The following MYT1 variants were observed in gnomAD, a reference collection of about 807,000 sequenced individuals.
MYT1 encodes the protein myelin transcription factor 1, also known as myelin transcription factor I.
A neutral mutation model predicts 123.0 loss-of-function variants in MYT1; 23 were observed. That is an observed-to-expected ratio of 0.19 (90% CI 0.13 to 0.26). MYT1 has a LOEUF of 0.26. Among genes scored for constraint, MYT1 ranks in the 10% least tolerant of loss-of-function variants. The pLI is 1.00. For missense variants in MYT1, 1,125 were observed against 1,472.5 expected (o/e 0.76, Z 3.86); for synonymous variants, 518 against 575.3 (o/e 0.90, Z 1.43).
chr20:64,222,527 A>C (rs887270165), intron 14 of MYT1, among the ~76,000 whole-genome samples: 1 of 152,346 alleles, frequency 6.6e-6, no homozygotes, highest in African/African-American at 2.4e-5. Flanking sequence ...GCTGGTCCGC[A>C]TGGGGTTGGA....
intron 6 of MYT1, 105 bp from the exon 7 acceptor site, chr20:64,207,489 G>A (rs563409270): frequency 6.6e-7 from 1 of 1,524,234 alleles, no homozygotes; most frequent in South Asian, 1.3e-5. Flanking sequence ...CGTATAAAGA[G>A]TGAGTGGTAG....
At position 64,219,002 on chromosome 20, in the gene MYT1, C is replaced by T. The variant is rs781537256; in HGVS notation, c.1938C>T (p.Asn646=). The change falls in exon 12 of 23, where the codon AAC becomes AAT. Residue 646 remains asparagine (N), a synonymous_variant. Coordinates refer to ENST00000328439, the MANE Select transcript of MYT1 (RefSeq NM_004535.3). ...LSTRCWEMPE[N]LSTKPQDLPS... Reference sequence around the variant, plus strand: ...CGCGCTGCTGGGAGATGCCTGAGAACCTCAGCACGAAGCCACAGGACCTCC... The same window carrying T: ...CGCGCTGCTGGGAGATGCCTGAGAATCTCAGCACGAAGCCACAGGACCTCC... 3 of 1,613,620 alleles carry T rather than the reference C, an allele frequency of 1.9e-6. No homozygotes were observed. Among genetic ancestry groups the T allele is most frequent in the Non-Finnish European group, 2.5e-6 (3 of 1,180,004 alleles).
At chr20:64,199,748 G>C (rs1485504347) in intron 3 of MYT1, 144 bp from the exon 4 acceptor site, 9 of 919,796 alleles carry the variant, frequency 9.8e-6, no homozygotes, top group Non-Finnish European at 1.6e-5. Flanking sequence ...GCGCCCTGGG[G>C]AAACGGCTCA....
In MYT1 at chr20:64,178,812, T is replaced by C. The variant is rs13037633; in HGVS notation, c.-98-11251T>C. ...AACGTGGGAGCACTGAGCCGTTATTTGGTGGGATGCCCTTCAACGTGGGAG... is the reference window on the plus strand; with the variant it reads ...AACGTGGGAGCACTGAGCCGTTATTCGGTGGGATGCCCTTCAACGTGGGAG... On this transcript the variant is annotated intron_variant, in intron 1 of 22. Coordinates refer to ENST00000328439, the MANE Select transcript of MYT1 (RefSeq NM_004535.3). Among the ~76,000 whole-genome samples, 345 of 59,412 alleles carry C rather than the reference T, an allele frequency of 5.8e-3. 12 individuals are homozygous for C. Among genetic ancestry groups the C allele is most frequent in the South Asian group, 0.015 (18 of 1,206 alleles). The allele number at this position is 59,412 out of a possible 152,430, so 39.0% of individuals were successfully genotyped here.
At position 64,232,281 on chromosome 20, in the gene MYT1, C is replaced by CTCG. The variant is rs1984343671; in HGVS notation, c.2796_2798dup (p.Ser933dup). 6.2e-7 allele frequency: 1 copy of CTCG among 1,613,112 alleles called. No homozygotes were observed. Among genetic ancestry groups the CTCG allele is most frequent in the African/African-American group, 1.3e-5 (1 of 75,064 alleles). On this transcript the variant is annotated inframe_insertion, in exon 19 of 23. Transcript: ENST00000328439. This position sits in a 1 kb window ranked among gnomAD's most constrained non-coding sequence, Gnocchi z 6.9. The stretch of plus-strand genomic sequence containing the variant: ...GGCAGAAGGAAGGGTCCCTCAATGG[C>CTCG]TCGTCATTCTCCTGGAAGTCCCTGA...
rs1400308338 is a variant in MYT1 at position 64,212,269 on chromosome 20, C to T, written c.1517+131C>T. On this transcript the variant is annotated intron_variant, in intron 9 of 22. Transcript: ENST00000328439. The surrounding 1 kb of genome is among the most constrained non-coding windows in gnomAD (Gnocchi z 6.8). ...AGGGTGGGGGCCGTGGTGGGGGGCT[C>T]CACGTGGGGTAGGGCACCTGGGTTG... 1 of 765,338 alleles carries T rather than the reference C, an allele frequency of 1.3e-6. No individual in the cohort carries two copies. The highest frequency in any genetic ancestry group is 2.0e-6 in the Non-Finnish European group (1 of 487,978). 47.4% of individuals were successfully genotyped at this position (765,338 alleles called of 1,614,324 possible).
Position 64,240,049 on chromosome 20 carries a change from A to G in MYT1, c.3237+146A>G, listed in dbSNP as rs1476759352. The G allele has an allele frequency of 2.3e-6, 3 of 1,295,880 alleles. No homozygotes were observed. The Admixed American group carries it at 6.6e-5, about 28-fold the overall frequency. The allele number at this position is 1,295,880 out of a possible 1,614,324, so 80.3% of individuals were successfully genotyped here. A position where few individuals can be genotyped will look rare whatever the true frequency, so the allele number is the denominator to read the frequency against. On this transcript the variant is annotated intron_variant, in intron 22 of 22. Transcript: ENST00000328439. The stretch of plus-strand genomic sequence containing the variant: ...CTTGTGGAGATTCTCTCCACCCCGA[A>G]TGGCCCGGGCTGTTGGCTGTGGTGG...
chr20:64,198,056 C>T lies in MYT1; in HGVS notation c.1-806C>T, dbSNP rs369652273. Among the ~76,000 whole-genome samples the T allele has an allele frequency of 3.4e-3, 512 of 151,968 alleles. 3 individuals carry two copies. Among genetic ancestry groups the T allele is most frequent in the East Asian group, 0.022 (112 of 5,148 alleles). Reference sequence around the variant, plus strand: ...ATCCCAGCACTTTGGGAGGCCGAGACGGGCGGATCACGAGGTCAGGAGATC... The same window carrying T: ...ATCCCAGCACTTTGGGAGGCCGAGATGGGCGGATCACGAGGTCAGGAGATC... On this transcript the variant is annotated intron_variant, in intron 2 of 22. Coordinates refer to ENST00000328439, the MANE Select transcript of MYT1 (RefSeq NM_004535.3).
At chr20:64,177,904 A>G (rs912319167) in intron 1 of MYT1, among the ~76,000 whole-genome samples, 1 of 152,160 alleles carries the variant, frequency 6.6e-6, no homozygotes. Context: ...GGATGCCCCC[A>G]GGAACAAAGC....
intron 19 of MYT1, among the ~76,000 whole-genome samples, chr20:64,235,501 C>CTGAGTGACCCTGGGCTGGCCATGG (rs1984489986): frequency 8.0e-6 from 1 of 125,450 alleles, no homozygotes; most frequent in Admixed American, 8.5e-5. Flanking sequence ...CCTGGGCTGG[C>CTGAGTGACCCTGGGCTGGCCATGG]TGAGTGACCC....
rs931322229 is a variant in MYT1, at chr20:64,189,462, G to T, written c.-98-601G>T. On this transcript the variant is annotated intron_variant, in intron 1 of 22. Transcript: ENST00000328439. This position sits in a 1 kb window ranked among gnomAD's most constrained non-coding sequence, Gnocchi z 5.5. ...ACTGGAGGCATTGCCCTGGAGAGAG[G>T]CAGAAACACAGGGTGACAAAAGATG... Among the ~76,000 whole-genome samples, 9 of 152,170 alleles carry T rather than the reference G, an allele frequency of 5.9e-5. No homozygotes were observed. The highest frequency in any genetic ancestry group is 1.3e-4 in the Non-Finnish European group (9 of 68,032).
rs181080681 is a variant in MYT1, at chr20:64,167,068, C to T, written c.-99+2329C>T. Among the ~76,000 whole-genome samples, 4 of 152,180 alleles carry T rather than the reference C, an allele frequency of 2.6e-5. No homozygotes were observed. The highest frequency in any genetic ancestry group is 9.6e-5 in the African/African-American group (4 of 41,512). ...GTGGTGGTGTGGTGGGTAGAGGAGA[C>T]CCACACCACTCTGCACTGGGGAGAC... On this transcript the variant is annotated intron_variant, in intron 1 of 22. Transcript: ENST00000328439. The surrounding 1 kb of genome is among the most constrained non-coding windows in gnomAD (Gnocchi z 6.3).
intron 1 of MYT1, among the ~76,000 whole-genome samples, chr20:64,170,876 TATATATATAGAGAGAG>T (rs1472012821): frequency 1.8e-4 from 11 of 60,590 alleles, no homozygotes; most frequent in East Asian, 5.2e-4. Flanking sequence ...TATATATATA[TATATATATAGAGAGAG>T]AGAGAGAGAG....
At position 64,237,484 on chromosome 20, in the gene MYT1, G is replaced by A. The variant is rs1462301853; in HGVS notation, c.3093+94G>A. ...TGAGGCATCCGTCGGCACTCATCAA[G>A]GTTGCTGTCAGGGCTGAGCTGACGG... On this transcript the variant is annotated intron_variant, in intron 21 of 22. Coordinates refer to ENST00000328439, the MANE Select transcript of MYT1 (RefSeq NM_004535.3). 9 of 989,646 alleles carry A rather than the reference G, an allele frequency of 9.1e-6. No individual in the cohort carries two copies. The East Asian group carries it at 2.3e-4, about 26-fold the overall frequency. 61.3% of individuals were successfully genotyped at this position (989,646 alleles called of 1,614,324 possible).
At chr20:64,225,702 C>A (rs1984150868) in intron 16 of MYT1, among the ~76,000 whole-genome samples, 1 of 152,174 alleles carries the variant, frequency 6.6e-6, no homozygotes, top group African/African-American at 2.4e-5. Flanking sequence ...GATGTGGCTC[C>A]AGATTCCTGC....
intron 13 of MYT1, among the ~76,000 whole-genome samples, chr20:64,220,204 C>T (rs1983960551): frequency 1.3e-5 from 2 of 152,218 alleles, no homozygotes; most frequent in Non-Finnish European, 2.9e-5. Context: ...CATGCTGTGC[C>T]CTTGTCTGTC....
In MYT1 at chr20:64,180,278, A is replaced by G. The variant is rs570609426; in HGVS notation, c.-98-9785A>G. ...TAGGTCTGTATTTACTTCTCCATCT[A>G]TCGATGTTTATTGAAAAACACAAGT... On this transcript the variant is annotated intron_variant, in intron 1 of 22. Transcript: ENST00000328439. Among the ~76,000 whole-genome samples the G allele has an allele frequency of 3.9e-5, 6 of 152,310 alleles. No individual in the cohort carries two copies. The East Asian group carries it at 7.7e-4, about 20-fold the overall frequency.
chr20:64,215,815 T>C (rs1237088596), intron 10 of MYT1, among the ~76,000 whole-genome samples: 3 of 151,402 alleles, frequency 2.0e-5, no homozygotes, highest in Admixed American at 6.6e-5. Flanking sequence ...CCCAAGCCGG[T>C]TTCTTACTCC....
In MYT1 at chr20:64,203,562, C is replaced by T. The variant is rs1333195164; in HGVS notation, c.87-1473C>T. Among the ~76,000 whole-genome samples, 2 of 152,074 alleles carry T rather than the reference C, an allele frequency of 1.3e-5. No individual in the cohort carries two copies. Among genetic ancestry groups the T allele is most frequent in the African/African-American group, 4.8e-5 (2 of 41,400 alleles). ...CGTCTGGGTTCCCTCTTCCCTCCTC[C>T]CTCCCTCCTTCCCTCCCTCTCTGTC... On this transcript the variant is annotated intron_variant, in intron 4 of 22. Coordinates refer to ENST00000328439, the MANE Select transcript of MYT1 (RefSeq NM_004535.3). The surrounding 1 kb of genome is among the most constrained non-coding windows in gnomAD (Gnocchi z 5.1).
Sources: allele counts gnomAD v4.1 joint callset (sites outside exome capture counted in the v4.1 genomes callset), GRCh38; gene constraint gnomAD v4.1.1; non-coding constraint Gnocchi (gnomAD v3.1); transcripts MANE v1.5; gene names NCBI Gene and HGNC (gene_info 2026-07-23, HGNC 2026-07-21).